PPWD1: variants seen among roughly 807,000 people sequenced by gnomAD.
The protein encoded by PPWD1 is peptidylprolyl isomerase domain and WD repeat-containing protein 1.
A neutral mutation model predicts 68.8 loss-of-function variants in PPWD1; 43 were observed. The observed-to-expected ratio is 0.62, with a 90% CI of 0.49 to 0.81. PPWD1 has a LOEUF of 0.81. Among genes scored for constraint, PPWD1 ranks in the 30% least tolerant of loss-of-function variants. The pLI is 0.00. For missense variants in PPWD1, 672 were observed against 804.8 expected (o/e 0.83, Z 2.00); for synonymous variants, 232 against 258.7 (o/e 0.90, Z 0.99).
intron 5 of PPWD1, 92 bp downstream of exon 5, chr5:65,572,378 C>A: frequency 4.8e-6 from 6 of 1,259,530 alleles, no homozygotes; most frequent in Non-Finnish European, 6.5e-6. Context: ...TACAGATAGA[C>A]ATTTAGATAG....
chr5:65,568,199 T>C (rs1418000933), intron 2 of PPWD1: 1 of 152,342 alleles, frequency 6.6e-6, no homozygotes, highest in Middle Eastern at 3.4e-3. Context: ...AAAACACTTC[T>C]GGTCCGATAC....
intron 1 of PPWD1, among the ~76,000 whole-genome samples, chr5:65,565,990 T>C (rs1478456049): frequency 2.0e-5 from 3 of 152,166 alleles, no homozygotes; most frequent in Non-Finnish European, 1.5e-5. Context: ...CATTGGACTG[T>C]TGTATATATT....
chr5:65,585,923 C>G, intron 9 of PPWD1, 76 bp from the exon 10 acceptor site: 1 of 1,549,788 alleles, frequency 6.5e-7, no homozygotes, highest in Non-Finnish European at 8.7e-7. Context: ...ACAAAGCACT[C>G]TTGGCAGAAA....
chr5:65,586,420 T>C (rs1753853359), intron 10 of PPWD1, among the ~76,000 whole-genome samples: 1 of 152,182 alleles, frequency 6.6e-6, no homozygotes, highest in African/African-American at 2.4e-5. Context: ...ATACTTGAGT[T>C]TCAATCTCAA....
intron 8 of PPWD1, among the ~76,000 whole-genome samples, chr5:65,583,811 G>A (rs1183380713): frequency 1.3e-5 from 2 of 152,086 alleles, no homozygotes; most frequent in Admixed American, 1.3e-4. Flanking sequence ...TATTAGCTGG[G>A]CATGGTGGCA....
chr5:65,585,928 C>A (rs1753821955), intron 9 of PPWD1, 71 bp from the exon 10 acceptor site: 1 of 1,551,844 alleles, frequency 6.4e-7, no homozygotes. Flanking sequence ...GCACTCTTGG[C>A]AGAAATAAAA....
intron 1 of PPWD1, among the ~76,000 whole-genome samples, chr5:65,567,264 CAGTT>C (rs1343784056): frequency 2.6e-5 from 4 of 151,490 alleles, no homozygotes; most frequent in Non-Finnish European, 5.9e-5. Context: ...GTCCTGGGGA[CAGTT>C]AGCATGTATA....
rs1753048554 is a variant in PPWD1, at chr5:65,572,182, T to C, written c.865T>C (p.Ser289Pro). The change falls in exon 5 of 11, where the codon TCA (serine) becomes CCA (proline). Residue 289 changes from serine to proline, a missense_variant. Physicochemically the swap from Ser to Pro is moderately conservative, Grantham distance 74. Coordinates refer to ENST00000261308, the MANE Select transcript of PPWD1 (RefSeq NM_015342.4). ...GGCTTATCCAACCAGCGTATGTTTT[T>C]CACCAGATGGGAAGAAAATAGCTAC... Reference protein sequence around the residue: ...CKAYPTSVCFSPDGKKIATIG... With the variant: ...CKAYPTSVCFPPDGKKIATIG... The C allele has an allele frequency of 1.2e-6, 2 of 1,613,932 alleles. No individual in the cohort carries two copies. The highest frequency in any genetic ancestry group is 1.7e-6 in the Non-Finnish European group (2 of 1,179,810).
Position 65,572,172 on chromosome 5 carries a change from C to T in PPWD1, c.855C>T (p.Ser285=), listed in dbSNP as rs368682011. 5.2e-5 allele frequency: 84 copies of T among 1,613,712 alleles called. No homozygotes were observed. Among genetic ancestry groups the T allele is most frequent in the Non-Finnish European group, 6.5e-5 (77 of 1,179,812 alleles). The change falls in exon 5 of 11, where the codon AGC becomes AGT. Residue 285 remains serine, a synonymous_variant. Transcript: ENST00000261308. The part of the protein sequence containing the change: ...EFAKCKAYPT[S]VCFSPDGKKI... ...CCAAGTGTAAGGCTTATCCAACCAG[C>T]GTATGTTTTTCACCAGATGGGAAGA...
intron 1 of PPWD1, among the ~76,000 whole-genome samples, chr5:65,566,295 C>T (rs1752754958): frequency 6.6e-6 from 1 of 152,208 alleles, no homozygotes; most frequent in South Asian, 2.1e-4. Context: ...TTCCTAGGCT[C>T]TCTCCAGCTT....
At chr5:65,575,300 T>C (rs974983845) in intron 5 of PPWD1, among the ~76,000 whole-genome samples, 1 of 152,198 alleles carries the variant, frequency 6.6e-6, no homozygotes, top group Non-Finnish European at 1.5e-5. Flanking sequence ...CCCTGCAAAA[T>C]GTGTAGTCCA....
intron 1 of PPWD1, 143 bp downstream of exon 1, chr5:65,563,649 T>A: frequency 7.5e-7 from 1 of 1,330,922 alleles, no homozygotes; most frequent in Non-Finnish European, 1.0e-6. Context: ...GGCTACTCCA[T>A]ACTTGCATGT....
intron 10 of PPWD1, 51 bp downstream of exon 10, chr5:65,586,232 AAG>A (rs1357692476): frequency 2.6e-6 from 4 of 1,536,112 alleles, no homozygotes; most frequent in Admixed American, 3.7e-5. Context: ...GTTATGATGT[AAG>A]AGAGTGAACT....
rs1281271405 is a variant in PPWD1 at position 65,572,133 on chromosome 5, T to C, written c.816T>C (p.Asp272=). ...NVNWEYKTDT[D]LYEFAKCKAY... is the part of the protein sequence containing the mutation. The stretch of plus-strand genomic sequence containing the variant: ...ACTGGGAATATAAAACTGACACTGA[T>C]TTATATGAATTTGCCAAGTGTAAGG... Residue 272 remains aspartate (D), a synonymous_variant, in exon 5 of 11, where the codon GAT becomes GAC. Coordinates refer to ENST00000261308, the MANE Select transcript of PPWD1 (RefSeq NM_015342.4). The C allele has an allele frequency of 1.2e-6, 2 of 1,613,930 alleles. No homozygotes were observed. The highest frequency in any genetic ancestry group is 2.7e-5 in the African/African-American group (2 of 74,912).
At chr5:65,582,952 A>T in intron 7 of PPWD1, 86 bp from the exon 8 acceptor site, 1 of 1,416,432 alleles carries the variant, frequency 7.1e-7, no homozygotes, top group Non-Finnish European at 9.4e-7. Context: ...TTTCTTAAGT[A>T]CTTCATTAGA....
At chr5:65,574,761 C>A (rs1753208478) in intron 5 of PPWD1, among the ~76,000 whole-genome samples, 1 of 152,240 alleles carries the variant, frequency 6.6e-6, no homozygotes, top group South Asian at 2.1e-4. Context: ...CCGCGCCCGG[C>A]CGGCACAAAT....
intron 7 of PPWD1, among the ~76,000 whole-genome samples, chr5:65,580,598 C>T (rs1753551112): frequency 6.6e-6 from 1 of 152,210 alleles, no homozygotes; most frequent in South Asian, 2.1e-4. Context: ...ACTGCAGCCT[C>T]TGCCTCCTGG....
At chr5:65,578,099 G>A (rs1467870832) in intron 6 of PPWD1, among the ~76,000 whole-genome samples, 2 of 152,198 alleles carry the variant, frequency 1.3e-5, no homozygotes, top group Non-Finnish European at 2.9e-5. Flanking sequence ...AAATCATACA[G>A]TATGTAGTCT....
At chr5:65,563,830 T>C in intron 1 of PPWD1, 1 of 1,501,328 alleles carries the variant, frequency 6.7e-7, no homozygotes, top group Non-Finnish European at 9.0e-7. Context: ...AATTTCGAAC[T>C]CTTATTTAGG....
Sources: gnomAD v4.1 joint callset for allele counts (sites outside exome capture counted in the v4.1 genomes callset) on GRCh38, gnomAD v4.1.1 for gene constraint, MANE v1.5 for transcripts, NCBI Gene and HGNC (gene_info 2026-07-23, HGNC 2026-07-21) for gene names.